Variants in OPRD1 observed in about 807,000 individuals in gnomAD.
OPRD1 encodes the protein opioid receptor delta 1, also known as delta-type opioid receptor.
OPRD1 carries 19 observed loss-of-function variants against 17.5 expected under a neutral mutation model. The observed-to-expected ratio is 1.09, with a 90% CI of 0.76 to 1.60. The LOEUF (loss-of-function observed/expected upper bound fraction) is 1.60, where lower values mean the gene tolerates loss of function less well. Ranked by LOEUF, OPRD1 falls within the 40% of genes most tolerant of loss-of-function variation. The probability of loss-of-function intolerance (pLI) is 0.00; values close to 1 mark genes in which losing one functional copy is unlikely to be tolerated. For synonymous variants in OPRD1, 256 were observed against 240.9 expected, an observed-to-expected ratio of 1.06 and a Z score of -0.58; for missense variants, 483 against 547.2, an observed-to-expected ratio of 0.88 and a Z score of 1.17.
At chr1:28,827,660 C>G (rs1181846864) in intron 1 of OPRD1, among the ~76,000 whole-genome samples, 3 of 152,184 alleles carry the variant, frequency 2.0e-5, no homozygotes, top group Non-Finnish European at 4.4e-5. Flanking sequence ...TCCACTGAAG[C>G]CTCGAACCCC....
At chr1:28,837,638 T>C (rs543409031) in intron 1 of OPRD1, among the ~76,000 whole-genome samples, 73 of 151,274 alleles carry the variant, frequency 4.8e-4, no homozygotes, top group Non-Finnish European at 8.8e-5. Context: ...CAGAGTGAGA[T>C]TCCGTCTCAA....
At chr1:28,853,886 G>T (rs2089031685) in intron 1 of OPRD1, among the ~76,000 whole-genome samples, 1 of 151,082 alleles carries the variant, frequency 6.6e-6, no homozygotes, top group Non-Finnish European at 1.5e-5. Context: ...GGATTACGGT[G>T]CTCACCATCA....
chr1:28,852,987 TG>T (rs2089019593), intron 1 of OPRD1, among the ~76,000 whole-genome samples: 1 of 152,148 alleles, frequency 6.6e-6, no homozygotes, highest in Non-Finnish European at 1.5e-5. Flanking sequence ...CCCAAAGTGC[TG>T]GGATTACAGA....
Position 28,869,334 on chromosome 1 carries a change from G to A in OPRD1, c.*6051G>A, listed in dbSNP as rs1210633823. On this transcript the variant is annotated 3_prime_UTR_variant, in exon 3 of 3. Coordinates refer to ENST00000234961, the MANE Select transcript of OPRD1 (RefSeq NM_000911.4). ...CAAAATGGGGCTTAGAGAGGAGCTG[G>A]AGGGGGCCCTCGAGGTGGACGTAGT... 2 of 152,410 alleles carry A rather than the reference G, an allele frequency of 1.3e-5. No homozygotes were observed. Among genetic ancestry groups the A allele is most frequent in the African/African-American group, 4.8e-5 (2 of 41,422 alleles). 9.4% of individuals were successfully genotyped at this position (152,410 alleles called of 1,614,324 possible). A position where few individuals can be genotyped will look rare whatever the true frequency, so the allele number is the denominator to read the frequency against.
intron 1 of OPRD1, among the ~76,000 whole-genome samples, chr1:28,836,778 C>T (rs1381955794): frequency 1.3e-5 from 2 of 152,122 alleles, no homozygotes; most frequent in Non-Finnish European, 2.9e-5. Flanking sequence ...GTGGCATGAA[C>T]ACAGCTCATG....
chr1:28,814,809 G>A (rs1374300591), intron 1 of OPRD1, among the ~76,000 whole-genome samples: 1 of 152,200 alleles, frequency 6.6e-6, no homozygotes, highest in Admixed American at 6.5e-5. Context: ...TCCCCATGTT[G>A]CCAAGACATT....
At chr1:28,821,171 C>T (rs775143625) in intron 1 of OPRD1, among the ~76,000 whole-genome samples, 5 of 151,988 alleles carry the variant, frequency 3.3e-5, no homozygotes, top group Non-Finnish European at 7.4e-5. Flanking sequence ...GGCACAATCT[C>T]GGCTCACTGC....
chr1:28,842,787 G>T (rs975095680), intron 1 of OPRD1, among the ~76,000 whole-genome samples: 1 of 152,122 alleles, frequency 6.6e-6, no homozygotes, highest in Non-Finnish European at 1.5e-5. Context: ...AAAAAAGCAG[G>T]CCAGGTGTAG....
intron 1 of OPRD1, among the ~76,000 whole-genome samples, chr1:28,853,409 A>C (rs1281757359): frequency 6.6e-6 from 1 of 152,252 alleles, no homozygotes. Flanking sequence ...ATTGTCCTGG[A>C]AACACTGAAT....
At chr1:28,824,356 C>T (rs2088745710) in intron 1 of OPRD1, among the ~76,000 whole-genome samples, 2 of 147,272 alleles carry the variant, frequency 1.4e-5, no homozygotes, top group African/African-American at 2.5e-5. Flanking sequence ...GCTCTGTTGC[C>T]CAGGTTGGAG....
At chr1:28,819,136 T>C (rs958470645) in intron 1 of OPRD1, among the ~76,000 whole-genome samples, 4 of 152,094 alleles carry the variant, frequency 2.6e-5, no homozygotes, top group African/African-American at 9.7e-5. Context: ...ATTAAAACCC[T>C]GTGCTCAGCT....
chr1:28,838,991 T>C (rs1425201032), intron 1 of OPRD1, among the ~76,000 whole-genome samples: 1 of 152,142 alleles, frequency 6.6e-6, no homozygotes, highest in Non-Finnish European at 1.5e-5. Flanking sequence ...GGCACACTAC[T>C]GCCTTGAACT....
chr1:28,826,179 A>C (rs1165894678), intron 1 of OPRD1, among the ~76,000 whole-genome samples: 2 of 152,222 alleles, frequency 1.3e-5, no homozygotes, highest in African/African-American at 4.8e-5. Flanking sequence ...GCAATAAAGC[A>C]AATATCTCAA....
intron 1 of OPRD1, among the ~76,000 whole-genome samples, chr1:28,838,895 C>T (rs930884009): frequency 6.6e-6 from 1 of 152,046 alleles, no homozygotes. Context: ...CCTTGGGCTG[C>T]CCTTTTTTTT....
At chr1:28,819,030 GA>G (rs2088691739) in intron 1 of OPRD1, among the ~76,000 whole-genome samples, 1 of 151,654 alleles carries the variant, frequency 6.6e-6, no homozygotes, top group Non-Finnish European at 1.5e-5. Flanking sequence ...GTGTGGGGGT[GA>G]GGGGTGGATT....
At chr1:28,825,293 T>C (rs2088754876) in intron 1 of OPRD1, among the ~76,000 whole-genome samples, 1 of 152,194 alleles carries the variant, frequency 6.6e-6, no homozygotes, top group South Asian at 2.1e-4. Flanking sequence ...ATCCCCTTGC[T>C]CCCTCTCCTT....
intron 2 of OPRD1, 91 bp from the exon 3 acceptor site, chr1:28,862,651 C>T: frequency 1.5e-6 from 2 of 1,296,960 alleles, no homozygotes; most frequent in Non-Finnish European, 1.0e-6. Context: ...TGGGACTTGC[C>T]CAAGCCTTGA....
intron 1 of OPRD1, among the ~76,000 whole-genome samples, chr1:28,846,180 G>T (rs939329100): frequency 1.1e-4 from 16 of 152,310 alleles, no homozygotes; most frequent in Non-Finnish European, 2.4e-4. Context: ...CTTTGTACAT[G>T]CTGTTCCTTC....
At chr1:28,834,651 A>G (rs1309002277) in intron 1 of OPRD1, among the ~76,000 whole-genome samples, 1 of 152,090 alleles carries the variant, frequency 6.6e-6, no homozygotes, top group Non-Finnish European at 1.5e-5. Flanking sequence ...AGGTGCTGGG[A>G]TTACAGGTGT....
Sources: allele counts gnomAD v4.1 joint callset (sites outside exome capture counted in the v4.1 genomes callset), GRCh38; gene constraint gnomAD v4.1.1; transcripts MANE v1.5; gene names NCBI Gene and HGNC (gene_info 2026-07-23, HGNC 2026-07-21).